The following PTPRD variants were observed in gnomAD, a reference collection of about 807,000 sequenced individuals.
PTPRD encodes the protein protein tyrosine phosphatase receptor type D.
A neutral mutation model predicts 214.5 loss-of-function variants in PTPRD; 34 were observed. The observed-to-expected ratio is 0.16, with a 90% CI of 0.12 to 0.21. The LOEUF (loss-of-function observed/expected upper bound fraction) is 0.21, where lower values mean the gene tolerates loss of function less well. Ranked by LOEUF, PTPRD falls within the 10% of genes least tolerant of loss-of-function variation. PTPRD has a pLI of 1.00. For synonymous variants in PTPRD, 1,128 were observed against 845.7 expected (o/e 1.33, Z -5.79); for missense variants, 2,545 against 2,398.7 (o/e 1.06, Z -1.27).
At chr9:10,277,167 T>A (rs893802248) in intron 3 of PTPRD, among the ~76,000 whole-genome samples, 12 of 99,950 alleles carry the variant, frequency 1.2e-4, no homozygotes, top group African/African-American at 4.5e-4. Context: ...ACTTGATCTT[T>A]TGGTTTAGTA....
At chr9:9,051,333 T>C (rs984795324) in intron 10 of PTPRD, among the ~76,000 whole-genome samples, 1 of 152,216 alleles carries the variant, frequency 6.6e-6, no homozygotes, top group African/African-American at 2.4e-5. Context: ...TTAAATGTGA[T>C]ACTTTCAAAT....
chr9:9,731,782 GT>G (rs1221530664), intron 7 of PTPRD, among the ~76,000 whole-genome samples: 2 of 152,136 alleles, frequency 1.3e-5, no homozygotes, highest in Non-Finnish European at 2.9e-5. Flanking sequence ...ACACAGTAAG[GT>G]TATTTTTTAA....
At chr9:10,102,965 C>G (rs2098573892) in intron 3 of PTPRD, among the ~76,000 whole-genome samples, 1 of 151,610 alleles carries the variant, frequency 6.6e-6, no homozygotes, top group Non-Finnish European at 1.5e-5. Context: ...TTCAATATCT[C>G]TTCTTCAAAA....
intron 36 of PTPRD, among the ~76,000 whole-genome samples, chr9:8,402,180 T>C (rs1306411030): frequency 1.3e-5 from 2 of 152,182 alleles, no homozygotes; most frequent in Non-Finnish European, 2.9e-5. Flanking sequence ...ATTAAATGCT[T>C]CTAACCTTTT....
At chr9:9,643,601 C>G (rs1448228087) in intron 7 of PTPRD, among the ~76,000 whole-genome samples, 1 of 152,078 alleles carries the variant, frequency 6.6e-6, no homozygotes, top group Non-Finnish European at 1.5e-5. Context: ...TTAATAGATC[C>G]TCACTTTTAA....
At chr9:9,222,597 A>G (rs1004938632) in intron 9 of PTPRD, among the ~76,000 whole-genome samples, 2 of 152,040 alleles carry the variant, frequency 1.3e-5, no homozygotes, top group Admixed American at 6.6e-5. Context: ...TCCCTACCAT[A>G]TATTTTCTTA....
rs751511997 is a variant in PTPRD at position 8,487,022 on chromosome 9, T to C, written c.2468-673A>G. Among the ~76,000 whole-genome samples the C allele has an allele frequency of 5.9e-5, 9 of 152,164 alleles. No individual in the cohort carries two copies. The South Asian group carries it at 1.0e-3, about 17-fold the overall frequency. ...AAAAAAACCAAACTACAAAATAATATCGTATTGACTTACTATGAATTTAAT... is the reference window on the plus strand; with the variant it reads ...AAAAAAACCAAACTACAAAATAATACCGTATTGACTTACTATGAATTTAAT... On this transcript the variant is annotated intron_variant, in intron 27 of 45. Coordinates refer to ENST00000381196, the MANE Select transcript of PTPRD (RefSeq NM_002839.4).
At chr9:9,077,610 T>C (rs866015640) in intron 10 of PTPRD, among the ~76,000 whole-genome samples, 1 of 152,018 alleles carries the variant, frequency 6.6e-6, no homozygotes, top group Non-Finnish European at 1.5e-5. Context: ...TAGCGGAGAG[T>C]GTCATGCAAA....
chr9:8,614,122 T>C (rs1347657971), intron 14 of PTPRD, among the ~76,000 whole-genome samples: 1 of 152,198 alleles, frequency 6.6e-6, no homozygotes, highest in Admixed American at 6.6e-5. Flanking sequence ...ACATTATTGG[T>C]AAATGTCATT....
intron 2 of PTPRD, among the ~76,000 whole-genome samples, chr9:10,509,581 T>TATATATATATATATATATA (rs1566622187): frequency 5.9e-4 from 35 of 58,972 alleles, no homozygotes; most frequent in African/African-American, 2.5e-3. Flanking sequence ...ATATATATAT[T>TATATATATATATATATATA]TTACTCACTT....
chr9:8,526,497 A>C, intron 17 of PTPRD, 130 bp downstream of exon 17: 1 of 605,308 alleles, frequency 1.7e-6, no homozygotes, highest in Non-Finnish European at 2.7e-6. Flanking sequence ...ATAACCAAAC[A>C]GTACAAAGAA....
At chr9:8,346,081 C>G (rs1857334398) in intron 39 of PTPRD, among the ~76,000 whole-genome samples, 1 of 152,052 alleles carries the variant, frequency 6.6e-6, no homozygotes, top group African/African-American at 2.4e-5. Context: ...GTATCTTCTC[C>G]TTTCAAATCT....
chr9:9,614,182 G>A (rs371922083), intron 7 of PTPRD, among the ~76,000 whole-genome samples: 1 of 151,866 alleles, frequency 6.6e-6, no homozygotes, highest in African/African-American at 2.4e-5. Context: ...GAAAGTTTAT[G>A]ATTGCCAGAG....
intron 11 of PTPRD, among the ~76,000 whole-genome samples, chr9:8,937,561 G>T (rs1426458997): frequency 6.6e-6 from 1 of 152,072 alleles, no homozygotes; most frequent in South Asian, 2.1e-4. Context: ...AGCAATCTTA[G>T]TCCCTCAGAG....
intron 11 of PTPRD, among the ~76,000 whole-genome samples, chr9:8,734,328 G>C (rs375394197): frequency 6.6e-6 from 1 of 152,224 alleles, no homozygotes; most frequent in African/African-American, 2.4e-5. Context: ...AGTGCTATGA[G>C]AAAGATTTAA....
chr9:10,266,970 C>T (rs960914750), intron 3 of PTPRD, among the ~76,000 whole-genome samples: 1 of 151,932 alleles, frequency 6.6e-6, no homozygotes, highest in African/African-American at 2.4e-5. Context: ...GCGGGCGAAT[C>T]ACCAGGTCAG....
At chr9:9,068,281 A>T (rs774323611) in intron 10 of PTPRD, among the ~76,000 whole-genome samples, 7 of 152,160 alleles carry the variant, frequency 4.6e-5, no homozygotes, top group Admixed American at 2.6e-4. Flanking sequence ...TACAGTGTTT[A>T]GCTACTAGAA....
At chr9:8,469,303 A>G (rs1383099369) in intron 31 of PTPRD, among the ~76,000 whole-genome samples, 1 of 152,032 alleles carries the variant, frequency 6.6e-6, no homozygotes, top group Non-Finnish European at 1.5e-5. Context: ...ATTACTTACT[A>G]CCAAACGGCT....
chr9:10,309,733 T>G (rs1423200025), intron 3 of PTPRD, among the ~76,000 whole-genome samples: 3 of 151,856 alleles, frequency 2.0e-5, no homozygotes, highest in Non-Finnish European at 4.4e-5. Context: ...CTCTTTATAT[T>G]TTATAAATAT....
Sources: gnomAD v4.1 joint callset for allele counts (sites outside exome capture counted in the v4.1 genomes callset) on GRCh38, gnomAD v4.1.1 for gene constraint, MANE v1.5 for transcripts, NCBI Gene and HGNC (gene_info 2026-07-23, HGNC 2026-07-21) for gene names.